The following SAMD5 variants were observed in gnomAD, a reference collection of about 807,000 sequenced individuals.
SAMD5 encodes the protein sterile alpha motif domain-containing protein 5.
SAMD5 carries 13 observed loss-of-function variants against 11.3 expected under a neutral mutation model. The ratio of observed to expected loss-of-function variants is 1.15; its 90% CI spans 0.75 to 1.83. The LOEUF (loss-of-function observed/expected upper bound fraction) is 1.83. Among genes scored for constraint, SAMD5 ranks in the 40% most tolerant of loss-of-function variants. The probability of loss-of-function intolerance (pLI) is 0.00; values close to 1 mark genes in which losing one functional copy is unlikely to be tolerated. For missense variants in SAMD5, 255 were observed against 239.1 expected (o/e 1.07, Z -0.44); for synonymous variants, 129 against 111.3 (o/e 1.16, Z -1.00).
the SAMD5 span, among the ~76,000 whole-genome samples, chr6:147,920,599 A>C: frequency 2.0e-5 from 3 of 152,188 alleles, no homozygotes; most frequent in Non-Finnish European, 1.5e-5. Flanking sequence ...CTAATACACT[A>C]TTTAACACCA....
At chr6:147,901,233 A>C in the SAMD5 span, among the ~76,000 whole-genome samples, 1 of 152,242 alleles carries the variant, frequency 6.6e-6, no homozygotes, top group African/African-American at 2.4e-5. Context: ...CACAGTACCT[A>C]CTTGGTAAAT....
intron 1 of SAMD5, among the ~76,000 whole-genome samples, chr6:147,535,326 T>A (rs902436757): frequency 2.6e-5 from 4 of 152,182 alleles, no homozygotes; most frequent in Non-Finnish European, 5.9e-5. Context: ...AGTGTTTAAG[T>A]GAACAGCCTA....
At chr6:147,577,016 T>C (rs1789226421) in intron 1 of SAMD5, among the ~76,000 whole-genome samples, 1 of 152,258 alleles carries the variant, frequency 6.6e-6, no homozygotes, top group Admixed American at 6.5e-5. Context: ...CTGTTTTGTC[T>C]TATGTGATTG....
chr6:147,816,301 A>AAATAT, the SAMD5 span, among the ~76,000 whole-genome samples: 108 of 66,378 alleles, frequency 1.6e-3, no homozygotes, highest in East Asian at 7.1e-3. Context: ...AAAAAAAAAA[A>AAATAT]ATATATATAT....
the SAMD5 span, among the ~76,000 whole-genome samples, chr6:147,934,155 T>C: frequency 6.6e-6 from 1 of 152,230 alleles, no homozygotes; most frequent in Non-Finnish European, 1.5e-5. Context: ...GGAGGAAAGG[T>C]AAGACACTTC....
At chr6:147,762,264 G>A in the SAMD5 span, among the ~76,000 whole-genome samples, 4,416 of 152,152 alleles carry the variant, frequency 0.029, 91 homozygotes, top group African/African-American at 0.052. Context: ...GGAGTACAGT[G>A]GCGCAACCTC....
At chr6:147,684,590 CAA>C (rs1479029391) in intron 1 of SAMD5, among the ~76,000 whole-genome samples, 14 of 152,154 alleles carry the variant, frequency 9.2e-5, no homozygotes, top group Admixed American at 9.2e-4. Context: ...CCTGAGAATT[CAA>C]GTTTCTTTGC....
chr6:147,942,169 G>A, the SAMD5 span, among the ~76,000 whole-genome samples: 2 of 152,214 alleles, frequency 1.3e-5, no homozygotes, highest in African/African-American at 2.4e-5. Context: ...GAGCCACTGC[G>A]CCTGGCTGTG....
At chr6:147,604,098 T>C (rs1789662500) in intron 1 of SAMD5, among the ~76,000 whole-genome samples, 1 of 152,194 alleles carries the variant, frequency 6.6e-6, no homozygotes, top group Non-Finnish European at 1.5e-5. Context: ...GATAAAATAA[T>C]GTTTTGTTTC....
intron 1 of SAMD5, among the ~76,000 whole-genome samples, chr6:147,532,179 G>A (rs550636161): frequency 4.0e-5 from 6 of 151,800 alleles, no homozygotes; most frequent in Middle Eastern, 3.4e-3. Context: ...GTGTTTTTTG[G>A]TTACATAGAT....
the SAMD5 span, among the ~76,000 whole-genome samples, chr6:147,767,503 T>C: frequency 1.3e-5 from 2 of 149,758 alleles, no homozygotes; most frequent in Non-Finnish European, 2.9e-5. Context: ...ATCCCCAATA[T>C]GGTATTTGGA....
chr6:147,831,927 A>G, the SAMD5 span, among the ~76,000 whole-genome samples: 1 of 152,134 alleles, frequency 6.6e-6, no homozygotes, highest in Non-Finnish European at 1.5e-5. Context: ...TATGATTTTA[A>G]TCTCTTTTTA....
chr6:147,715,023 A>G (rs1241812399), intron 1 of SAMD5, among the ~76,000 whole-genome samples: 1 of 152,188 alleles, frequency 6.6e-6, no homozygotes, highest in African/African-American at 2.4e-5. Flanking sequence ...ACTGTAAATG[A>G]TGGTTATCTT....
chr6:147,859,390 T>A, the SAMD5 span, among the ~76,000 whole-genome samples: 2 of 152,196 alleles, frequency 1.3e-5, no homozygotes, highest in Non-Finnish European at 2.9e-5. Context: ...AATGACATCA[T>A]GTGGCTTACA....
the SAMD5 span, among the ~76,000 whole-genome samples, chr6:147,834,620 A>C: frequency 6.6e-6 from 1 of 152,210 alleles, no homozygotes; most frequent in Non-Finnish European, 1.5e-5. Flanking sequence ...TAGGCATTGC[A>C]TCATCTGTTC....
At chr6:147,630,190 C>A (rs1279396600) in intron 1 of SAMD5, among the ~76,000 whole-genome samples, 9 of 152,058 alleles carry the variant, frequency 5.9e-5, no homozygotes. Flanking sequence ...CTTAGGTGAT[C>A]TGCCCGCCTC....
In SAMD5 at chr6:147,646,026, GTATCTATCTATC is replaced by G. The variant is rs200304460; in HGVS notation, c.163-91252_163-91241del. Among the ~76,000 whole-genome samples the G allele has an allele frequency of 4.8e-3, 254 of 52,376 alleles. 3 individuals carry two copies. Among genetic ancestry groups the G allele is most frequent in the East Asian group, 0.021 (44 of 2,090 alleles). 34.4% of individuals were successfully genotyped at this position (52,376 alleles called of 152,430 possible). A position where few individuals can be genotyped will look rare whatever the true frequency, so the allele number is the denominator to read the frequency against. ...TCTGTCTGTCTATGTATCTATCTAT[GTATCTATCTATC>G]TATCTATCTATCTATCTATCTATCT... On this transcript the variant is annotated intron_variant, in intron 1 of 1. Transcript: ENST00000566741.
At chr6:147,895,253 C>A in the SAMD5 span, among the ~76,000 whole-genome samples, 1 of 136,466 alleles carries the variant, frequency 7.3e-6, no homozygotes, top group African/African-American at 3.0e-5. Flanking sequence ...ACAAGTGCAA[C>A]AATAAAACAT....
chr6:147,767,559 G>A, the SAMD5 span, among the ~76,000 whole-genome samples: 1 of 149,660 alleles, frequency 6.7e-6, no homozygotes, highest in South Asian at 2.1e-4. Context: ...GTTTGTCGGG[G>A]TGGGGATCTT....
Sources: allele counts gnomAD v4.1 joint callset (sites outside exome capture counted in the v4.1 genomes callset), GRCh38; gene constraint gnomAD v4.1.1; transcripts MANE v1.5; gene names NCBI Gene and HGNC (gene_info 2026-07-23, HGNC 2026-07-21).